The following NRXN3 variants were observed in gnomAD, a reference collection of about 807,000 sequenced individuals.
The protein encoded by NRXN3 is neurexin III.
NRXN3 carries 32 observed loss-of-function variants against 137.6 expected under a neutral mutation model. The ratio of observed to expected loss-of-function variants is 0.23; its 90% confidence interval spans 0.18 to 0.31. NRXN3 has a LOEUF of 0.31. Among genes scored for constraint, NRXN3 ranks in the 10% least tolerant of loss-of-function variants. The pLI, the probability that NRXN3 is intolerant of heterozygous loss-of-function variation, is 1.00. For missense variants in NRXN3, 1,574 were observed against 2,062.5 expected (o/e 0.76, Z 4.59); for synonymous variants, 798 against 784.5 (o/e 1.02, Z -0.29).
chr14:79,505,492 A>G (rs7150181), intron 16 of NRXN3, among the ~76,000 whole-genome samples: 64,501 of 151,932 alleles, frequency 0.42, 14,032 homozygotes, highest in African/African-American at 0.53. Flanking sequence ...GACTAAAAGT[A>G]GTCCACATTA....
At chr14:79,107,752 A>C (rs149146621) in intron 15 of NRXN3, among the ~76,000 whole-genome samples, 3 of 152,130 alleles carry the variant, frequency 2.0e-5, no homozygotes, top group African/African-American at 7.2e-5. Flanking sequence ...TTTCTTTTTG[A>C]CTTGAAAGGC....
intron 10 of NRXN3, among the ~76,000 whole-genome samples, chr14:78,867,934 T>C (rs2099091364): frequency 6.7e-6 from 1 of 149,732 alleles, no homozygotes; most frequent in Admixed American, 6.7e-5. Flanking sequence ...AAATTTTACT[T>C]AATATAAATT....
intron 10 of NRXN3, among the ~76,000 whole-genome samples, chr14:78,922,640 C>A (rs1296330201): frequency 1.3e-5 from 2 of 152,036 alleles, no homozygotes; most frequent in African/African-American, 4.8e-5. Flanking sequence ...TAAATGGGAG[C>A]TGAACAATGA....
chr14:79,406,952 A>C (rs2095325678), intron 15 of NRXN3, among the ~76,000 whole-genome samples: 1 of 152,190 alleles, frequency 6.6e-6, no homozygotes. Flanking sequence ...ATTTTCTTTA[A>C]TGAAGGTGGA....
chr14:79,251,810 C>A (rs1280634762), intron 15 of NRXN3, among the ~76,000 whole-genome samples: 1 of 151,484 alleles, frequency 6.6e-6, no homozygotes, highest in Non-Finnish European at 1.5e-5. Context: ...TCTCTCTTTT[C>A]TTTTTGTTTC....
intron 20 of NRXN3, among the ~76,000 whole-genome samples, chr14:79,824,558 A>G (rs1157522253): frequency 6.6e-6 from 1 of 152,222 alleles, no homozygotes; most frequent in African/African-American, 2.4e-5. Flanking sequence ...AAAGGTTTCC[A>G]TCATGAACAT....
chr14:78,557,050 G>T (rs61610825), intron 4 of NRXN3, among the ~76,000 whole-genome samples: 42,664 of 131,498 alleles, frequency 0.32, 6,954 homozygotes, highest in African/African-American at 0.36. Flanking sequence ...TCCCCTCTCC[G>T]CTCCCTCTTC....
intron 4 of NRXN3, among the ~76,000 whole-genome samples, chr14:78,338,000 T>TG (rs2081672525): frequency 6.6e-6 from 1 of 152,022 alleles, no homozygotes. Flanking sequence ...GGTACATGGA[T>TG]GGGGGGATGG....
intron 10 of NRXN3, among the ~76,000 whole-genome samples, chr14:78,869,347 A>G (rs1454641872): frequency 6.6e-6 from 1 of 152,050 alleles, no homozygotes; most frequent in African/African-American, 2.4e-5. Context: ...CGCTATTTCT[A>G]TTTCCAGGCA....
At chr14:78,182,124 A>C (rs2059859108) in intron 1 of NRXN3, among the ~76,000 whole-genome samples, 2 of 140,738 alleles carry the variant, frequency 1.4e-5, no homozygotes, top group Admixed American at 7.1e-5. Flanking sequence ...GCCGGGGGGG[A>C]CAATGATAGC....
chr14:79,782,906 T>C (rs896683474), intron 19 of NRXN3, among the ~76,000 whole-genome samples: 1 of 152,202 alleles, frequency 6.6e-6, no homozygotes, highest in African/African-American at 2.4e-5. Context: ...GCCTCATTTG[T>C]AGAATAGCAC....
intron 16 of NRXN3, among the ~76,000 whole-genome samples, chr14:79,499,992 T>TGTGTGTGTGTGTG (rs1567302849): frequency 1.4e-5 from 2 of 144,100 alleles, no homozygotes; most frequent in Admixed American, 7.2e-5. Flanking sequence ...TGTGTGTGTG[T>TGTGTGTGTGTGTG]TAAAGGACGA....
At chr14:79,475,867 G>A (rs573053306) in intron 16 of NRXN3, among the ~76,000 whole-genome samples, 1 of 152,222 alleles carries the variant, frequency 6.6e-6, no homozygotes, top group East Asian at 1.9e-4. Flanking sequence ...CACATATACT[G>A]GGTTATTGCA....
chr14:78,574,799 G>A (rs1476820414), intron 4 of NRXN3, among the ~76,000 whole-genome samples: 1 of 152,188 alleles, frequency 6.6e-6, no homozygotes. Context: ...ACTGTGGGAA[G>A]GGCATGACTG....
chr14:78,340,170 C>T (rs1278949427), intron 4 of NRXN3, among the ~76,000 whole-genome samples: 2 of 152,184 alleles, frequency 1.3e-5, no homozygotes, highest in Non-Finnish European at 1.5e-5. Flanking sequence ...CGAAGGGAAA[C>T]TGAGAAAACC....
intron 10 of NRXN3, among the ~76,000 whole-genome samples, chr14:78,849,108 A>G (rs1347340253): frequency 6.6e-6 from 1 of 152,138 alleles, no homozygotes; most frequent in Non-Finnish European, 1.5e-5. Context: ...GGTATTCATT[A>G]TGAAGCTAGA....
chr14:79,237,316 A>G (rs1257654311), intron 15 of NRXN3, among the ~76,000 whole-genome samples: 2 of 152,160 alleles, frequency 1.3e-5, no homozygotes, highest in Admixed American at 6.6e-5. Context: ...ATAGTGATAC[A>G]TTTAAGATTA....
Position 78,361,620 on chromosome 14 carries a change from G to A in NRXN3, c.757+63760G>A, listed in dbSNP as rs146380971. Among the ~76,000 whole-genome samples, 50 of 152,234 alleles carry A rather than the reference G, an allele frequency of 3.3e-4. No individual in the cohort carries two copies. The East Asian group carries it at 6.2e-3, about 19-fold the overall frequency. On this transcript the variant is annotated intron_variant, in intron 4 of 20. Coordinates refer to ENST00000335750, the MANE Select transcript of NRXN3 (RefSeq NM_001330195.2). ...AGTGGGTCTTAAAAAATTGAATTGG[G>A]TGAGAGTGTAGATTAATCAATACCA...
At chr14:78,962,771 T>A (rs1204740625) in intron 11 of NRXN3, among the ~76,000 whole-genome samples, 1 of 152,022 alleles carries the variant, frequency 6.6e-6, no homozygotes, top group African/African-American at 2.4e-5. Flanking sequence ...TGGAGTGCGG[T>A]GGCATGATGT....
Sources: allele counts gnomAD v4.1 joint callset (sites outside exome capture counted in the v4.1 genomes callset), GRCh38; gene constraint gnomAD v4.1.1; transcripts MANE v1.5; gene names NCBI Gene and HGNC (gene_info 2026-07-23, HGNC 2026-07-21).